The following ADK variants were observed in gnomAD, a reference collection of about 807,000 sequenced individuals.
ADK encodes adenosine kinase.
ADK carries 24 observed loss-of-function variants against 44.7 expected under a neutral mutation model. That is an observed-to-expected ratio of 0.54 (90% confidence interval 0.39 to 0.76). ADK has a LOEUF of 0.76. ADK is among the 30% of genes least tolerant of loss of function. The pLI is 0.00. For missense variants in ADK, 321 were observed against 425.1 expected (o/e 0.76, Z 2.15); for synonymous variants, 128 against 142.6 (o/e 0.90, Z 0.73).
In ADK at chr10:74,562,309, C is replaced by G. The variant is rs200192060; in HGVS notation, c.727-26973C>G. On this transcript the variant is annotated intron_variant, in intron 7 of 10. Transcript: ENST00000539909. ...ATGGCATTTTTAAAGGAGTAAGGAC[C>G]TCTTTAAAAATAAGTATATATGGGG... is the stretch of plus-strand genomic sequence containing the variant. Among the ~76,000 whole-genome samples, 6 of 152,110 alleles carry G rather than the reference C, an allele frequency of 3.9e-5. No individual in the cohort carries two copies. In the East Asian group the frequency reaches 1.2e-3, roughly 29 times the overall value.
chr10:74,624,061 A>G (rs1211222329), intron 9 of ADK, among the ~76,000 whole-genome samples: 2 of 152,200 alleles, frequency 1.3e-5, no homozygotes, highest in African/African-American at 4.8e-5. Context: ...AGATAACTGA[A>G]TGGCTAAAAT....
At chr10:74,371,789 G>A (rs1842666558) in intron 4 of ADK, 1 of 1,309,550 alleles carries the variant, frequency 7.6e-7, no homozygotes, top group Non-Finnish European at 1.1e-6. Context: ...TTGGCCAAAG[G>A]GCTGTGCTGA....
chr10:74,157,362 G>T (rs1841776988), intron 1 of ADK, among the ~76,000 whole-genome samples: 1 of 151,530 alleles, frequency 6.6e-6, no homozygotes, highest in African/African-American at 2.4e-5. Context: ...ACAATTGTAA[G>T]TATTTTAAAG....
At position 74,173,088 on chromosome 10, in the gene ADK, GT is replaced by G. The variant is rs991330378; in HGVS notation, c.65+21757del. Among the ~76,000 whole-genome samples, 163 of 144,924 alleles carry G rather than the reference GT, an allele frequency of 1.1e-3. 1 individual carries two copies. The highest frequency in any genetic ancestry group is 2.6e-3 in the African/African-American group (102 of 39,682). On this transcript the variant is annotated intron_variant, in intron 1 of 10. Coordinates refer to ENST00000539909, the MANE Select transcript of ADK (RefSeq NM_006721.4). ...ACTACCTGTTTTGGTATCAAAATTA[GT>G]TTTTTTTTTTTCTTTTTTTTTGAGA...
At chr10:74,670,043 G>A (rs1278294437) in intron 9 of ADK, 140 bp from the exon 10 acceptor site, 1 of 716,718 alleles carries the variant, frequency 1.4e-6, no homozygotes, top group African/African-American at 1.8e-5. Flanking sequence ...GTTCCCAAGT[G>A]CCCCTGTACA....
chr10:74,286,283 C>T (rs560413502), intron 3 of ADK, among the ~76,000 whole-genome samples: 1 of 152,316 alleles, frequency 6.6e-6, no homozygotes, highest in African/African-American at 2.4e-5. Flanking sequence ...AACTCCTGGC[C>T]TAAAGCGATC....
chr10:74,166,372 G>A (rs1842034761), intron 1 of ADK, among the ~76,000 whole-genome samples: 2 of 152,196 alleles, frequency 1.3e-5, no homozygotes, highest in East Asian at 3.8e-4. Context: ...AGAGGCTGTA[G>A]TGCAGTTGAA....
chr10:74,632,393 T>A (rs753408926), intron 9 of ADK, among the ~76,000 whole-genome samples: 4 of 152,188 alleles, frequency 2.6e-5, no homozygotes, highest in Non-Finnish European at 5.9e-5. Flanking sequence ...GAACAAAAAT[T>A]TATTATTTCA....
intron 9 of ADK, among the ~76,000 whole-genome samples, chr10:74,612,684 A>G (rs1852600812): frequency 6.6e-6 from 1 of 152,142 alleles, no homozygotes; most frequent in South Asian, 2.1e-4. Flanking sequence ...TTGAGGTCTT[A>G]GTCATAAATT....
intron 1 of ADK, among the ~76,000 whole-genome samples, chr10:74,193,255 T>G (rs1009396070): frequency 6.9e-6 from 1 of 145,978 alleles, no homozygotes; most frequent in Non-Finnish European, 1.6e-5. Flanking sequence ...TTTTTTTTTC[T>G]TTTTTTTATT....
chr10:74,481,046 T>A (rs1327507935), intron 6 of ADK, among the ~76,000 whole-genome samples: 1 of 152,170 alleles, frequency 6.6e-6, no homozygotes, highest in East Asian at 1.9e-4. Flanking sequence ...TCAGTGTACC[T>A]TTTTAGATTT....
intron 4 of ADK, among the ~76,000 whole-genome samples, chr10:74,345,725 G>A (rs1841742900): frequency 6.6e-6 from 1 of 152,150 alleles, no homozygotes; most frequent in South Asian, 2.1e-4. Flanking sequence ...CTATTGATAA[G>A]AAAATGTGAA....
At chr10:74,475,276 T>C (rs1200457917) in intron 6 of ADK, among the ~76,000 whole-genome samples, 1 of 152,238 alleles carries the variant, frequency 6.6e-6, no homozygotes, top group Non-Finnish European at 1.5e-5. Flanking sequence ...GATTTAACTA[T>C]TGAGAGCTTT....
intron 8 of ADK, among the ~76,000 whole-genome samples, chr10:74,596,345 A>G (rs1851925737): frequency 1.3e-5 from 2 of 152,082 alleles, no homozygotes; most frequent in South Asian, 4.2e-4. Flanking sequence ...ATTAGTACCT[A>G]CTGCCTAGAG....
At chr10:74,597,184 A>G (rs1851954180) in intron 8 of ADK, among the ~76,000 whole-genome samples, 1 of 152,222 alleles carries the variant, frequency 6.6e-6, no homozygotes. Context: ...AGTTCTTAGC[A>G]TGTGCTAAAA....
At chr10:74,436,343 G>T (rs1439798449) in intron 6 of ADK, among the ~76,000 whole-genome samples, 1 of 152,060 alleles carries the variant, frequency 6.6e-6, no homozygotes, top group East Asian at 1.9e-4. Flanking sequence ...GGAGGCGGAG[G>T]TTGCAGTGAG....
chr10:74,312,751 A>AT (rs1840479222), intron 3 of ADK, among the ~76,000 whole-genome samples: 1 of 150,590 alleles, frequency 6.6e-6, no homozygotes, highest in East Asian at 1.9e-4. Context: ...AAAAAAAAAA[A>AT]AATACAAAAA....
intron 7 of ADK, among the ~76,000 whole-genome samples, chr10:74,575,654 A>G (rs930378721): frequency 3.9e-5 from 6 of 152,182 alleles, no homozygotes; most frequent in African/African-American, 1.4e-4. Flanking sequence ...GGGAATAGTA[A>G]AAGATCTGGC....
chr10:74,451,061 T>C (rs1845755906), intron 6 of ADK, among the ~76,000 whole-genome samples: 1 of 148,800 alleles, frequency 6.7e-6, no homozygotes, highest in Non-Finnish European at 1.5e-5. Context: ...ATTGTGGCTC[T>C]GCTGCCTTTT....
Sources: gnomAD v4.1 joint callset for allele counts (sites outside exome capture counted in the v4.1 genomes callset) on GRCh38, gnomAD v4.1.1 for gene constraint, MANE v1.5 for transcripts, NCBI Gene and HGNC (gene_info 2026-07-23, HGNC 2026-07-21) for gene names.